Variants in FCRL4 observed in about 807,000 individuals in gnomAD.
The protein encoded by FCRL4 is Fc receptor-like protein 4.
Under a neutral mutation model 64.1 loss-of-function variants are expected in FCRL4, and 43 were observed. The ratio of observed to expected loss-of-function variants is 0.67; its 90% CI spans 0.53 to 0.87. The LOEUF (loss-of-function observed/expected upper bound fraction) is 0.87. Ranked by LOEUF, FCRL4 falls within the 40% of genes least tolerant of loss-of-function variation. FCRL4 has a pLI of 0.00. For synonymous variants in FCRL4, 253 were observed against 239.8 expected (o/e 1.05, Z -0.51); for missense variants, 656 against 613.5 (o/e 1.07, Z -0.73).
chr1:157,583,358 C>T (rs1222826847), intron 6 of FCRL4, among the ~76,000 whole-genome samples: 1 of 152,120 alleles, frequency 6.6e-6, no homozygotes, highest in East Asian at 1.9e-4. Flanking sequence ...ACAGCCCTAC[C>T]CCAGACATCC....
chr1:157,588,313 T>C (rs1346776274), intron 3 of FCRL4, among the ~76,000 whole-genome samples, 194 bp from the exon 4 acceptor site: 1 of 152,194 alleles, frequency 6.6e-6, no homozygotes, highest in Admixed American at 6.5e-5. Context: ...CAGACTCAAC[T>C]ATTTTATCAT....
At chr1:157,576,273 A>G (rs1208293096) in intron 10 of FCRL4, among the ~76,000 whole-genome samples, 1 of 152,238 alleles carries the variant, frequency 6.6e-6, no homozygotes, top group African/African-American at 2.4e-5. Context: ...AGTAAAAGGT[A>G]GAATTATCAG....
chr1:157,586,070 CAG>C, intron 6 of FCRL4, 96 bp downstream of exon 6: 1 of 1,256,466 alleles, frequency 8.0e-7, no homozygotes, highest in Non-Finnish European at 1.1e-6. Context: ...AAAATGGAAA[CAG>C]AAACAGCAGA....
In FCRL4 at chr1:157,578,671, G is replaced by A; in HGVS notation, c.1360+99C>T. On this transcript the variant is annotated intron_variant, in intron 9 of 11. Transcript: ENST00000271532. ...CAATTATCTGGGAATATCTGGATTT[G>A]GGACACTTTAGGGAGTCCAGGGGCA... 4 of 1,414,860 alleles carry A rather than the reference G, an allele frequency of 2.8e-6. No individual in the cohort carries two copies. In the South Asian group the frequency reaches 4.6e-5, roughly 16 times the overall value. The allele number at this position is 1,414,860 out of a possible 1,614,324, so 87.6% of individuals were successfully genotyped here.
chr1:157,575,508 G>GT lies in FCRL4; in HGVS notation c.*15dup. On this transcript the variant is annotated 3_prime_UTR_variant, in exon 12 of 12. Coordinates refer to ENST00000271532, the MANE Select transcript of FCRL4 (RefSeq NM_031282.3). ...GAAATCACATGAGTAGGACGTTCTC[G>GT]TAACTTTTCATTCTCTTAACTTTCT... 1 of 1,602,112 alleles carries GT rather than the reference G, an allele frequency of 6.2e-7. No individual in the cohort carries two copies.
intron 2 of FCRL4, among the ~76,000 whole-genome samples, chr1:157,595,997 C>A (rs1037377855): frequency 1.3e-5 from 2 of 152,220 alleles, no homozygotes; most frequent in Non-Finnish European, 2.9e-5. Flanking sequence ...TATTTCTACC[C>A]TTTTCCTCTT....
chr1:157,586,110 C>A, intron 6 of FCRL4, 58 bp downstream of exon 6: 2 of 1,510,536 alleles, frequency 1.3e-6, no homozygotes, highest in South Asian at 2.5e-5. Flanking sequence ...GCTATCCCCA[C>A]CCTTAATTTG....
Position 157,586,226 on chromosome 1 carries a change from A to G in FCRL4, c.1077T>C (p.Cys359=). The G allele has an allele frequency of 6.2e-7, 1 of 1,614,192 alleles. No homozygotes were observed. Among genetic ancestry groups the G allele is most frequent in the Non-Finnish European group, 8.5e-7 (1 of 1,180,020 alleles). ...CAGGGCCGTAGCTGTTGTCTGCTGT[A>G]CAGTAGTATCCCCCTGCATGGCTCT... The part of the protein sequence containing the change: ...IRQSHAGGYY[C]TADNSYGPVQ... The change falls in exon 6 of 12, where the codon TGT becomes TGC. Residue 359 remains cysteine (C), a synonymous_variant. Transcript: ENST00000271532.
chr1:157,588,822 G>A (rs567792676), intron 3 of FCRL4, among the ~76,000 whole-genome samples: 1 of 152,316 alleles, frequency 6.6e-6, no homozygotes, highest in South Asian at 2.1e-4. Context: ...AAAAGCATCA[G>A]GTTGGAGATT....
At chr1:157,596,110 T>C (rs1652957280) in intron 2 of FCRL4, among the ~76,000 whole-genome samples, 1 of 152,102 alleles carries the variant, frequency 6.6e-6, no homozygotes, top group African/African-American at 2.4e-5. Context: ...GGCCCTGCCA[T>C]GTTTAGCCAG....
At chr1:157,596,434 T>G in intron 1 of FCRL4, 86 bp from the exon 2 acceptor site, 1 of 1,448,466 alleles carries the variant, frequency 6.9e-7, no homozygotes. Context: ...CATATGCTAC[T>G]TCCAACCAAG....
rs772465713 is a variant in FCRL4, at chr1:157,581,512, C to T, written c.1249+19G>A. 1 of 1,607,686 alleles carries T rather than the reference C, an allele frequency of 6.2e-7. No homozygotes were observed. The highest frequency in any genetic ancestry group is 8.5e-7 in the Non-Finnish European group (1 of 1,174,890). On this transcript the variant is annotated intron_variant, in intron 7 of 11. Coordinates refer to ENST00000271532, the MANE Select transcript of FCRL4 (RefSeq NM_031282.3). ...GGAAGGAACAGGGCAGGAACTGTGG[C>T]AAAGAAAAGAGCACAAACCTGACTT...
intron 2 of FCRL4, among the ~76,000 whole-genome samples, chr1:157,594,863 G>C (rs1280210379): frequency 1.3e-5 from 2 of 152,166 alleles, no homozygotes; most frequent in Non-Finnish European, 2.9e-5. Context: ...TAAATGTTCT[G>C]TTTGGTAAGG....
At chr1:157,587,796 C>T in intron 4 of FCRL4, 69 bp downstream of exon 4, 1 of 1,451,668 alleles carries the variant, frequency 6.9e-7, no homozygotes, top group East Asian at 2.3e-5. Flanking sequence ...CCCGTAAATT[C>T]TTTCCTTACA....
At position 157,587,522 on chromosome 1, in the gene FCRL4, G is replaced by T. The variant is rs776143508; in HGVS notation, c.601C>A (p.Gln201Lys). Residue 201 changes from glutamine (Q) to lysine (K), a missense_variant, in exon 5 of 12, where the codon CAG (glutamine) becomes AAG (lysine). Transcript: ENST00000271532. ...PHPELKATDS[Q>K]PTEGNSVNLS... The stretch of plus-strand genomic sequence containing the variant: ...TTTACAGAATTCCCCTCTGTAGGCT[G>T]AGAGTCTGTAGCTTTCAGCTCTGGA... 1 of 1,614,196 alleles carries T rather than the reference G, an allele frequency of 6.2e-7. No homozygotes were observed. Among genetic ancestry groups the T allele is most frequent in the Non-Finnish European group, 8.5e-7 (1 of 1,180,026 alleles).
chr1:157,576,819 G>A (rs557481507), intron 10 of FCRL4, among the ~76,000 whole-genome samples: 1 of 152,312 alleles, frequency 6.6e-6, no homozygotes, highest in East Asian at 1.9e-4. Flanking sequence ...ATAGTAATAG[G>A]CTGTGCATGC....
At chr1:157,585,390 CTT>C (rs1558155140) in intron 6 of FCRL4, among the ~76,000 whole-genome samples, 7 of 86,602 alleles carry the variant, frequency 8.1e-5, no homozygotes, top group South Asian at 3.7e-4. Flanking sequence ...TTCTTTCTTT[CTT>C]TCCTTCTTTC....
At position 157,597,965 on chromosome 1, in the gene FCRL4, G is replaced by T. The variant is rs779255055; in HGVS notation, c.-21C>A. 1 of 1,609,920 alleles carries T rather than the reference G, an allele frequency of 6.2e-7. No individual in the cohort carries two copies. Among genetic ancestry groups the T allele is most frequent in the South Asian group, 1.1e-5 (1 of 90,488 alleles). On this transcript the variant is annotated 5_prime_UTR_variant, in exon 1 of 12. Coordinates refer to ENST00000271532, the MANE Select transcript of FCRL4 (RefSeq NM_031282.3). ...AGCATGGAAGCCTGCTCCAGGATTG[G>T]AGAAGGAGTTCTGAGGAGACAAGCC...
rs771988513 is a variant in FCRL4, at chr1:157,587,276, G to T, written c.847C>A (p.Arg283=). ...AGATGCCTGGCTCTCCAACACTCAC[G>T]CTGCACATGGATCTGTAGCGAGGGA... The part of the protein sequence containing the change: ...HSPSLQIHVQ[R]IPVSGVLLET... The change falls in exon 5 of 12, where the codon CGG becomes AGG. Residue 283 remains arginine, a splice_region_variant and synonymous_variant. Transcript: ENST00000271532. 4 of 1,612,054 alleles carry T rather than the reference G, an allele frequency of 2.5e-6. No individual in the cohort carries two copies. The African/African-American group carries it at 5.3e-5, about 22-fold the overall frequency.
Sources: allele counts gnomAD v4.1 joint callset (sites outside exome capture counted in the v4.1 genomes callset), GRCh38; gene constraint gnomAD v4.1.1; transcripts MANE v1.5; gene names NCBI Gene and HGNC (gene_info 2026-07-23, HGNC 2026-07-21).